The following TMEM242 variants were observed in gnomAD, a reference collection of about 807,000 sequenced individuals.
TMEM242 encodes the protein UPF0463 transmembrane protein C6orf35.
Under a neutral mutation model 18.2 loss-of-function variants are expected in TMEM242, and 10 were observed. The ratio of observed to expected loss-of-function variants is 0.55; its 90% CI spans 0.34 to 0.93. The LOEUF (loss-of-function observed/expected upper bound fraction) is 0.93, where lower values mean the gene tolerates loss of function less well. TMEM242 is among the 40% of genes least tolerant of loss of function. The pLI is 0.02. For synonymous variants in TMEM242, 57 were observed against 69.9 expected, an observed-to-expected ratio of 0.81 and a Z score of 0.92; for missense variants, 186 against 175.5, an observed-to-expected ratio of 1.06 and a Z score of -0.34.
chr6:157,314,374 A>G (rs1191172688), intron 3 of TMEM242, among the ~76,000 whole-genome samples: 2 of 1,772 alleles, frequency 1.1e-3, no homozygotes, highest in African/African-American at 4.2e-3. Context: ...ATGCATTCCC[A>G]TGATCATGTA....
Position 157,312,662 on chromosome 6 carries a change from CCCA to C in TMEM242, c.327+6117_327+6119del, listed in dbSNP as rs1778206684. 4.0e-5 allele frequency among the ~76,000 whole-genome samples: 6 copies of C among 151,818 alleles called. 1 individual carries two copies. Among genetic ancestry groups the C allele is most frequent in the African/African-American group, 1.5e-4 (6 of 41,334 alleles). ...CACTCACCCGGCCTCATCATAGTGC[CCCA>C]GGGTGCACTCACCTAGCCTCATCAT... On this transcript the variant is annotated intron_variant, in intron 3 of 3. Transcript: ENST00000400788.
chr6:157,307,374 C>T (rs1172459196), intron 3 of TMEM242, among the ~76,000 whole-genome samples: 1 of 152,136 alleles, frequency 6.6e-6, no homozygotes, highest in South Asian at 2.1e-4. Context: ...CAGTCCTTGT[C>T]GCACGTTCCC....
rs1562384080 is a variant in TMEM242 at position 157,312,064 on chromosome 6, GCGCT to G, written c.327+6714_327+6717del. Among the ~76,000 whole-genome samples, 48 of 32,256 alleles carry G rather than the reference GCGCT, an allele frequency of 1.5e-3. 3 individuals carry two copies. Among genetic ancestry groups the G allele is most frequent in the African/African-American group, 4.6e-3 (38 of 8,230 alleles). The allele number at this position is 32,256 out of a possible 152,430, so 21.2% of individuals were successfully genotyped here. On this transcript the variant is annotated intron_variant, in intron 3 of 3. Transcript: ENST00000400788. ...CGGCCTCATCATAGTGTCCCAGTGT[GCGCT>G]CACCTAGCCTCAACATAGTGCCCTA... is the stretch of plus-strand genomic sequence containing the variant.
intron 3 of TMEM242, among the ~76,000 whole-genome samples, chr6:157,306,741 G>A (rs917366347): frequency 3.3e-5 from 5 of 152,290 alleles, no homozygotes; most frequent in Admixed American, 2.6e-4. Context: ...GGGACAGTCG[G>A]AAGTTACAAC....
chr6:157,302,393 C>T (rs1440565947), intron 3 of TMEM242, among the ~76,000 whole-genome samples: 2 of 152,178 alleles, frequency 1.3e-5, no homozygotes, highest in Non-Finnish European at 2.9e-5. Flanking sequence ...TGTTGTTGAA[C>T]ATGAAATTCA....
chr6:157,298,600 T>C (rs1366116447), intron 3 of TMEM242, among the ~76,000 whole-genome samples: 2 of 152,182 alleles, frequency 1.3e-5, no homozygotes, highest in Non-Finnish European at 2.9e-5. Context: ...GGTTTCAAGA[T>C]GGGTCCATTA....
At chr6:157,312,074 AGCCT>A (rs1562384099) in intron 3 of TMEM242, among the ~76,000 whole-genome samples, 7 of 34,946 alleles carry the variant, frequency 2.0e-4, no homozygotes, top group Non-Finnish European at 2.8e-4. Context: ...GCGCTCACCT[AGCCT>A]CAACATAGTG....
intron 2 of TMEM242, among the ~76,000 whole-genome samples, chr6:157,320,002 A>C (rs1778466938): frequency 1.3e-5 from 2 of 152,184 alleles, no homozygotes; most frequent in Non-Finnish European, 2.9e-5. Flanking sequence ...CAAATATTAG[A>C]TATTATCAAT....
intron 3 of TMEM242, among the ~76,000 whole-genome samples, chr6:157,315,373 T>C (rs1018570458): frequency 8.5e-5 from 13 of 152,178 alleles, no homozygotes; most frequent in Admixed American, 6.5e-5. Context: ...ACCAGCAAAT[T>C]AGTAAACACT....
intron 1 of TMEM242, 55 bp from the exon 2 acceptor site, chr6:157,322,860 G>A (rs1318046085): frequency 1.4e-6 from 2 of 1,452,284 alleles, no homozygotes; most frequent in Middle Eastern, 1.8e-4. Context: ...AATAAAAAGA[G>A]GTTAAAAAGA....
intron 3 of TMEM242, among the ~76,000 whole-genome samples, chr6:157,317,698 G>C (rs1214623416): frequency 2.0e-5 from 3 of 152,126 alleles, no homozygotes; most frequent in African/African-American, 7.2e-5. Context: ...AACCTCACAA[G>C]TCAGATTGAG....
At chr6:157,318,537 A>G (rs587636557) in intron 3 of TMEM242, 4 of 504,380 alleles carry the variant, frequency 7.9e-6, no homozygotes, top group East Asian at 6.5e-5. Flanking sequence ...GTCAATTTAT[A>G]TAGAACATTA....
At position 157,292,382 on chromosome 6, in the gene TMEM242, A is replaced by G. The variant is rs1583553877; in HGVS notation, c.*519T>C. 1 of 151,808 alleles carries G rather than the reference A, an allele frequency of 6.6e-6. No homozygotes were observed. Among genetic ancestry groups the G allele is most frequent in the Non-Finnish European group, 1.5e-5 (1 of 67,976 alleles). 9.4% of individuals were successfully genotyped at this position (151,808 alleles called of 1,614,324 possible). On this transcript the variant is annotated 3_prime_UTR_variant, in exon 4 of 4. Coordinates refer to ENST00000400788, the MANE Select transcript of TMEM242 (RefSeq NM_018452.6). The stretch of plus-strand genomic sequence containing the variant: ...CTGTAAAGCACAGACCACATTTAGG[A>G]CCCGAGAGCCACACCCACTTCCTAC...
intron 3 of TMEM242, among the ~76,000 whole-genome samples, chr6:157,296,954 T>C (rs587774340): frequency 1.3e-5 from 2 of 152,352 alleles, no homozygotes; most frequent in South Asian, 4.1e-4. Flanking sequence ...GTTCTGTAGA[T>C]ACAATGGCCT....
chr6:157,309,648 C>T (rs1777965464), intron 3 of TMEM242, among the ~76,000 whole-genome samples: 1 of 152,170 alleles, frequency 6.6e-6, no homozygotes, highest in African/African-American at 2.4e-5. Flanking sequence ...GCCTCAGCCT[C>T]CCAAAGTACT....
chr6:157,317,322 T>A (rs1333414700), intron 3 of TMEM242, among the ~76,000 whole-genome samples: 1 of 152,186 alleles, frequency 6.6e-6, no homozygotes, highest in Non-Finnish European at 1.5e-5. Context: ...GGGTGAATCA[T>A]CAGTCCTCAT....
intron 3 of TMEM242, among the ~76,000 whole-genome samples, chr6:157,306,626 G>C (rs1777921946): frequency 6.6e-6 from 1 of 152,272 alleles, no homozygotes; most frequent in Non-Finnish European, 1.5e-5. Context: ...GTAAATGAAG[G>C]CATCAGAGTG....
At chr6:157,301,542 T>C (rs948348474) in intron 3 of TMEM242, among the ~76,000 whole-genome samples, 16 of 152,156 alleles carry the variant, frequency 1.1e-4, no homozygotes, top group African/African-American at 3.6e-4. Flanking sequence ...TAACTCCTGA[T>C]CTCAGGTGAT....
chr6:157,312,977 C>A, intron 3 of TMEM242, among the ~76,000 whole-genome samples: 1 of 151,788 alleles, frequency 6.6e-6, no homozygotes, highest in East Asian at 1.9e-4. Context: ...CCTCAGTGTG[C>A]GCTCACCTAG....
Sources: allele counts gnomAD v4.1 joint callset (sites outside exome capture counted in the v4.1 genomes callset), GRCh38; gene constraint gnomAD v4.1.1; transcripts MANE v1.5; gene names NCBI Gene and HGNC (gene_info 2026-07-23, HGNC 2026-07-21).